The following CCSER1 variants were observed in gnomAD, a reference collection of about 807,000 sequenced individuals.
CCSER1 encodes the protein serine-rich coiled-coil domain-containing protein 1.
In CCSER1, 41 loss-of-function variants were observed where a neutral mutation model predicts 82.0. The observed-to-expected ratio is 0.50, with a 90% CI of 0.39 to 0.65. CCSER1 has a LOEUF of 0.65. CCSER1 is among the 30% of genes least tolerant of loss of function. The pLI is 0.00. For synonymous variants in CCSER1, 414 were observed against 383.9 expected, an observed-to-expected ratio of 1.08 and a Z score of -0.92; for missense variants, 1,119 against 1,064.2, an observed-to-expected ratio of 1.05 and a Z score of -0.72.
intron 10 of CCSER1, among the ~76,000 whole-genome samples, chr4:91,443,838 A>T (rs188450108): frequency 1.2e-4 from 18 of 151,132 alleles, no homozygotes; most frequent in Non-Finnish European, 2.7e-4. Flanking sequence ...AATTATATAG[A>T]TATTTAACAA....
intron 10 of CCSER1, among the ~76,000 whole-genome samples, chr4:91,588,240 G>C (rs1371380994): frequency 6.6e-6 from 1 of 150,822 alleles, no homozygotes; most frequent in African/African-American, 2.4e-5. Flanking sequence ...TGATAAAGCA[G>C]CTTTTCAAAA....
At chr4:91,183,613 C>T (rs566501076) in intron 10 of CCSER1, among the ~76,000 whole-genome samples, 48 of 152,100 alleles carry the variant, frequency 3.2e-4, no homozygotes, top group South Asian at 4.2e-4. Context: ...ATCATAGTAG[C>T]GATTTGATAT....
intron 3 of CCSER1, among the ~76,000 whole-genome samples, chr4:90,317,136 T>G (rs1736314797): frequency 6.6e-6 from 1 of 152,190 alleles, no homozygotes; most frequent in Non-Finnish European, 1.5e-5. Flanking sequence ...CATGTAAGGA[T>G]TTCTCATGGG....
At chr4:90,887,652 G>A (rs1263134961) in intron 8 of CCSER1, among the ~76,000 whole-genome samples, 1 of 152,200 alleles carries the variant, frequency 6.6e-6, no homozygotes, top group Non-Finnish European at 1.5e-5. Context: ...GGGAGGCCAA[G>A]GCAGGCAGAT....
intron 5 of CCSER1, among the ~76,000 whole-genome samples, chr4:90,616,712 C>A (rs1177550850): frequency 8.0e-6 from 1 of 125,032 alleles, no homozygotes; most frequent in African/African-American, 3.7e-5. Flanking sequence ...CACACACACA[C>A]ACACACACAC....
intron 1 of CCSER1, among the ~76,000 whole-genome samples, chr4:90,144,238 G>A (rs1725389494): frequency 6.6e-6 from 1 of 152,032 alleles, no homozygotes; most frequent in African/African-American, 2.4e-5. Flanking sequence ...TTATAGCTAG[G>A]TAATGTTTAT....
chr4:90,691,601 G>GAA (rs1735939850), intron 6 of CCSER1, among the ~76,000 whole-genome samples: 3 of 127,690 alleles, frequency 2.3e-5, no homozygotes, highest in Admixed American at 8.0e-5. Flanking sequence ...TATCACATGT[G>GAA]TATATATCAC....
intron 10 of CCSER1, among the ~76,000 whole-genome samples, chr4:91,443,233 A>T (rs1213931672): frequency 6.6e-6 from 1 of 152,088 alleles, no homozygotes; most frequent in Non-Finnish European, 1.5e-5. Flanking sequence ...CAAATGTCCA[A>T]CAGTGATAGA....
intron 10 of CCSER1, among the ~76,000 whole-genome samples, chr4:91,289,523 T>TTGAGTGGAAA (rs1743585927): frequency 6.6e-6 from 1 of 152,004 alleles, no homozygotes; most frequent in East Asian, 1.9e-4. Context: ...TAAGAATGAA[T>TTGAGTGGAAA]TGAGTGGAAA....
intron 8 of CCSER1, among the ~76,000 whole-genome samples, chr4:90,920,740 C>T (rs752801417): frequency 2.6e-5 from 4 of 151,864 alleles, no homozygotes; most frequent in Non-Finnish European, 5.9e-5. Flanking sequence ...TTCTGACTCA[C>T]AGTGGAAGTG....
chr4:90,940,085 G>T (rs1450361393), intron 9 of CCSER1, among the ~76,000 whole-genome samples: 1 of 152,106 alleles, frequency 6.6e-6, no homozygotes, highest in Non-Finnish European at 1.5e-5. Context: ...TTCAATTGAA[G>T]ATCTTTTACC....
chr4:90,293,633 A>G (rs1420618760), intron 1 of CCSER1, among the ~76,000 whole-genome samples: 3 of 150,990 alleles, frequency 2.0e-5, no homozygotes, highest in African/African-American at 7.3e-5. Flanking sequence ...AAGATTTTTT[A>G]AAGATCTTTT....
chr4:90,356,683 C>T (rs984541952), intron 3 of CCSER1, among the ~76,000 whole-genome samples: 1 of 151,700 alleles, frequency 6.6e-6, no homozygotes, highest in Non-Finnish European at 1.5e-5. Context: ...ATTTTTGTTG[C>T]ATTTTAATAT....
At chr4:90,345,169 C>A (rs997091509) in intron 3 of CCSER1, among the ~76,000 whole-genome samples, 1 of 152,008 alleles carries the variant, frequency 6.6e-6, no homozygotes, top group Non-Finnish European at 1.5e-5. Flanking sequence ...GTAAGCTGGC[C>A]TTTAATACAA....
chr4:90,157,672 C>T (rs1363351190), intron 1 of CCSER1, among the ~76,000 whole-genome samples: 1 of 152,170 alleles, frequency 6.6e-6, no homozygotes, highest in African/African-American at 2.4e-5. Flanking sequence ...GCATCGGCTC[C>T]TGAGGCTTCT....
chr4:90,236,416 G>C (rs918142530), intron 1 of CCSER1, among the ~76,000 whole-genome samples: 5 of 152,114 alleles, frequency 3.3e-5, no homozygotes, highest in Non-Finnish European at 7.3e-5. Context: ...AGTGGGACAG[G>C]GGGTGGGGGT....
chr4:91,551,656 AACACAC>A (rs58159693), intron 10 of CCSER1, among the ~76,000 whole-genome samples: 24,519 of 139,382 alleles, frequency 0.18, 2,270 homozygotes, highest in East Asian at 0.28. Flanking sequence ...GCAAAAAACA[AACACAC>A]ACACACACAC....
At chr4:91,146,622 T>TCCC (rs2148941557) in intron 10 of CCSER1, among the ~76,000 whole-genome samples, 1 of 152,194 alleles carries the variant, frequency 6.6e-6, no homozygotes, top group East Asian at 1.9e-4. Context: ...GGGCTTTTGT[T>TCCC]TTTATATTCT....
chr4:90,488,175 T>G (rs1767416689), intron 5 of CCSER1, among the ~76,000 whole-genome samples: 1 of 152,106 alleles, frequency 6.6e-6, no homozygotes, highest in East Asian at 1.9e-4. Flanking sequence ...TATTTTTATT[T>G]TATTTTATTT....
Sources: gnomAD v4.1 joint callset for allele counts (sites outside exome capture counted in the v4.1 genomes callset) on GRCh38, gnomAD v4.1.1 for gene constraint, MANE v1.5 for transcripts, NCBI Gene and HGNC (gene_info 2026-07-23, HGNC 2026-07-21) for gene names.